TULP4: variants seen among roughly 807,000 people sequenced by gnomAD.
TULP4 encodes the protein TUB like protein 4.
A neutral mutation model predicts 129.0 loss-of-function variants in TULP4; 16 were observed. The observed-to-expected ratio is 0.12, with a 90% CI of 0.08 to 0.19. The LOEUF is 0.19. Ranked by LOEUF, TULP4 falls within the 10% of genes least tolerant of loss-of-function variation. The pLI is 1.00. For missense variants in TULP4, 1,842 were observed against 2,059.1 expected (o/e 0.89, Z 2.04); for synonymous variants, 998 against 854.0 (o/e 1.17, Z -2.94).
chr6:158,421,568 G>A (rs1462716462), intron 2 of TULP4, among the ~76,000 whole-genome samples: 1 of 152,150 alleles, frequency 6.6e-6, no homozygotes, highest in Non-Finnish European at 1.5e-5. Flanking sequence ...GTCTTATAGT[G>A]GCTGTCCTTA....
At chr6:158,247,831 C>T (rs985006090) in intron 1 of TULP4, among the ~76,000 whole-genome samples, 5 of 152,160 alleles carry the variant, frequency 3.3e-5, no homozygotes, top group Non-Finnish European at 5.9e-5. Context: ...CTGTTAGTGC[C>T]GGGGCAGTTT....
At chr6:158,254,511 G>A (rs1446689122) in intron 1 of TULP4, among the ~76,000 whole-genome samples, 1 of 152,334 alleles carries the variant, frequency 6.6e-6, no homozygotes, top group East Asian at 1.9e-4. Flanking sequence ...CCAGATAAGA[G>A]TGTTGGCCTT....
At chr6:158,432,111 T>TAA (rs1205023265) in intron 3 of TULP4, among the ~76,000 whole-genome samples, 18 of 107,202 alleles carry the variant, frequency 1.7e-4, no homozygotes, top group Non-Finnish European at 2.2e-4. Context: ...AAAAAAAAAT[T>TAA]AAAAAAAAAA....
chr6:158,342,686 A>G (rs1457290305), intron 1 of TULP4, among the ~76,000 whole-genome samples: 1 of 152,232 alleles, frequency 6.6e-6, no homozygotes, highest in Non-Finnish European at 1.5e-5. Flanking sequence ...TGAAGGCACC[A>G]TGGCATAAAG....
At chr6:158,242,165 G>T in intron 1 of TULP4, 2 of 1,113,354 alleles carry the variant, frequency 1.8e-6, no homozygotes, top group Non-Finnish European at 2.7e-6. Context: ...CCTGCCTGTG[G>T]GTCTTCCTCA....
intron 1 of TULP4, among the ~76,000 whole-genome samples, chr6:158,346,793 CA>C (rs777790376): frequency 1.5e-4 from 18 of 122,018 alleles, no homozygotes; most frequent in Non-Finnish European, 1.0e-4. Flanking sequence ...TGAAGGTTTA[CA>C]TTTTTCTCCT....
chr6:158,437,252 T>G (rs1466830236), intron 3 of TULP4, among the ~76,000 whole-genome samples: 1 of 152,254 alleles, frequency 6.6e-6, no homozygotes, highest in African/African-American at 2.4e-5. Flanking sequence ...TTTAATTCAT[T>G]TATTTCAAAT....
chr6:158,244,647 C>T (rs1777992745), intron 1 of TULP4, among the ~76,000 whole-genome samples: 1 of 152,062 alleles, frequency 6.6e-6, no homozygotes, highest in Non-Finnish European at 1.5e-5. Context: ...TGAAACCTAC[C>T]TTGCTGGTAC....
upstream of TULP4, among the ~76,000 whole-genome samples, chr6:158,309,515 G>A (rs1258054283): frequency 1.3e-5 from 2 of 151,756 alleles, no homozygotes; most frequent in Non-Finnish European, 2.9e-5. Flanking sequence ...CTGCACTCTC[G>A]GCGCTTTGGG....
chr6:158,466,277 G>A (rs1055070939), intron 6 of TULP4, among the ~76,000 whole-genome samples: 1 of 152,146 alleles, frequency 6.6e-6, no homozygotes, highest in African/African-American at 2.4e-5. Context: ...GGGGGCTTAG[G>A]ATTTTATTTT....
At chr6:158,401,053 G>A (rs778437115) in intron 1 of TULP4, among the ~76,000 whole-genome samples, 2 of 33,358 alleles carry the variant, frequency 6.0e-5, no homozygotes, top group African/African-American at 1.4e-4. Context: ...TGGGTTTTTT[G>A]TTGTTGTTGT....
At chr6:158,485,129 C>T (rs556942362) in intron 8 of TULP4, among the ~76,000 whole-genome samples, 93 of 152,264 alleles carry the variant, frequency 6.1e-4, no homozygotes, top group Admixed American at 1.1e-3. Flanking sequence ...TTTGAGTAAA[C>T]TGTGTTTACT....
At chr6:158,469,985 A>C (rs1262300590) in intron 6 of TULP4, among the ~76,000 whole-genome samples, 4 of 152,016 alleles carry the variant, frequency 2.6e-5, no homozygotes, top group Non-Finnish European at 4.4e-5. Flanking sequence ...TCTTGGCCTC[A>C]CGGATTCCAA....
At chr6:158,367,112 T>C (rs897948742) in intron 1 of TULP4, among the ~76,000 whole-genome samples, 1 of 152,116 alleles carries the variant, frequency 6.6e-6, no homozygotes, top group African/African-American at 2.4e-5. Context: ...ACCACATCCA[T>C]GGGAATGGAG....
intron 1 of TULP4, among the ~76,000 whole-genome samples, chr6:158,399,676 C>T (rs1777798628): frequency 8.2e-6 from 1 of 122,482 alleles, no homozygotes; most frequent in Admixed American, 7.9e-5. Context: ...ATACATAACG[C>T]TTATTGAATC....
chr6:158,414,612 T>G (rs990734962), intron 2 of TULP4, among the ~76,000 whole-genome samples: 1 of 152,158 alleles, frequency 6.6e-6, no homozygotes, highest in Non-Finnish European at 1.5e-5. Context: ...TTTTCTTGGT[T>G]TCTGTGAAAT....
At chr6:158,391,194 G>A (rs933217175) in intron 1 of TULP4, among the ~76,000 whole-genome samples, 5 of 152,120 alleles carry the variant, frequency 3.3e-5, no homozygotes, top group African/African-American at 1.2e-4. Context: ...TAGTGTTTGG[G>A]GGGCAGGTAA....
At chr6:158,338,597 C>T (rs571747389) in intron 1 of TULP4, among the ~76,000 whole-genome samples, 9 of 152,116 alleles carry the variant, frequency 5.9e-5, no homozygotes, top group African/African-American at 1.2e-4. Flanking sequence ...TCCACATTTC[C>T]GCATACTAGA....
chr6:158,271,276 C>CTTAA (rs1477745497), intron 1 of TULP4, among the ~76,000 whole-genome samples: 1 of 151,718 alleles, frequency 6.6e-6, no homozygotes, highest in African/African-American at 2.4e-5. Context: ...ATGAAGAAAG[C>CTTAA]ATTTAAAGGC....
Sources: allele counts gnomAD v4.1 joint callset (sites outside exome capture counted in the v4.1 genomes callset), GRCh38; gene constraint gnomAD v4.1.1; transcripts MANE v1.5; gene names NCBI Gene and HGNC (gene_info 2026-07-23, HGNC 2026-07-21).